Variants in MEIOB observed in about 807,000 individuals in gnomAD.
MEIOB encodes meiosis specific with OB-fold.
Under a neutral mutation model 53.1 loss-of-function variants are expected in MEIOB, and 50 were observed. That is an observed-to-expected ratio of 0.94 (90% CI 0.75 to 1.19). MEIOB has a LOEUF of 1.19. MEIOB is among the 50% of genes most tolerant of loss of function. The probability of loss-of-function intolerance (pLI) is 0.00; values close to 1 mark genes in which losing one functional copy is unlikely to be tolerated. For missense variants in MEIOB, 551 were observed against 550.8 expected (o/e 1.00, Z 0.00); for synonymous variants, 192 against 182.5 (o/e 1.05, Z -0.42).
At position 1,841,819 on chromosome 16, in the gene MEIOB, C is replaced by T. The variant is rs750125718; in HGVS notation, c.1034+1G>A. 6.5e-7 allele frequency: 1 copy of T among 1,549,026 alleles called. No homozygotes were observed. Among genetic ancestry groups the T allele is most frequent in the Non-Finnish European group, 8.7e-7 (1 of 1,148,958 alleles). ...TTGCTAAAAGTGACACGGATCCTTA[C>T]CATCTATTTCGAACTACTTTTGTAG... On this transcript the variant is annotated splice_donor_variant, in intron 11 of 13. Coordinates refer to ENST00000325962, the MANE Select transcript of MEIOB (RefSeq NM_001163560.3). LOFTEE classifies it high-confidence loss of function.
At chr16:1,852,785 A>T (rs1023178636) in intron 9 of MEIOB, among the ~76,000 whole-genome samples, 43 of 150,558 alleles carry the variant, frequency 2.9e-4, no homozygotes, top group African/African-American at 1.0e-3. Flanking sequence ...TGAACTCCTG[A>T]CCTCAGGTGA....
chr16:1,861,895 C>T, intron 4 of MEIOB, 90 bp downstream of exon 4: 1 of 1,275,074 alleles, frequency 7.8e-7, no homozygotes, highest in Non-Finnish European at 1.1e-6. Context: ...CGAACTGTGT[C>T]TCATTTCAAC....
At chr16:1,838,951 C>G (rs981441679) in intron 12 of MEIOB, among the ~76,000 whole-genome samples, 1 of 152,222 alleles carries the variant, frequency 6.6e-6, no homozygotes, top group Non-Finnish European at 1.5e-5. Context: ...CTTGGCCTCC[C>G]AAAGTGCTGA....
At chr16:1,839,690 C>G in intron 11 of MEIOB, 1 of 410,044 alleles carries the variant, frequency 2.4e-6, no homozygotes, top group Non-Finnish European at 4.4e-6. Flanking sequence ...TCTGCCAAGC[C>G]CTCGAGGTCC....
intron 3 of MEIOB, among the ~76,000 whole-genome samples, chr16:1,863,547 T>C (rs112910538): frequency 4.0e-5 from 6 of 151,790 alleles, no homozygotes; most frequent in African/African-American, 1.4e-4. Flanking sequence ...CCACCATGCC[T>C]GGCTAATTTT....
chr16:1,868,038 A>G (rs1899637433), intron 2 of MEIOB, 69 bp downstream of exon 2: 3 of 824,980 alleles, frequency 3.6e-6, no homozygotes, highest in South Asian at 3.4e-5. Flanking sequence ...GAATGAATCA[A>G]TAACATTGAT....
intron 10 of MEIOB, among the ~76,000 whole-genome samples, chr16:1,842,413 G>C (rs931616074): frequency 6.7e-6 from 1 of 148,494 alleles, no homozygotes; most frequent in East Asian, 2.0e-4. Flanking sequence ...TTGGGAGATC[G>C]AGAGCAGCCT....
chr16:1,859,863 C>T (rs537027007), intron 5 of MEIOB, among the ~76,000 whole-genome samples: 78 of 152,176 alleles, frequency 5.1e-4, no homozygotes, highest in Admixed American at 1.0e-3. Context: ...GGATGGACTA[C>T]AGCCAGGGCA....
At chr16:1,836,140 A>C (rs1266439175) in intron 13 of MEIOB, among the ~76,000 whole-genome samples, 5 of 151,148 alleles carry the variant, frequency 3.3e-5, no homozygotes, top group Admixed American at 2.6e-4. Context: ...CTCATTAATT[A>C]ATGAGTTAAA....
At chr16:1,865,483 G>A (rs1424714450) in intron 3 of MEIOB, among the ~76,000 whole-genome samples, 1 of 5,278 alleles carries the variant, frequency 1.9e-4, no homozygotes, top group Non-Finnish European at 5.3e-4. Flanking sequence ...ATACACACAC[G>A]TGTACACACA....
intron 6 of MEIOB, among the ~76,000 whole-genome samples, chr16:1,855,219 G>A (rs1290540850): frequency 1.3e-5 from 2 of 152,156 alleles, no homozygotes; most frequent in Non-Finnish European, 2.9e-5. Flanking sequence ...GAATCACGAG[G>A]TCAGGAGTTC....
At chr16:1,871,447 CT>C (rs1240252305) in intron 1 of MEIOB, among the ~76,000 whole-genome samples, 1 of 131,266 alleles carries the variant, frequency 7.6e-6, no homozygotes, top group Admixed American at 8.0e-5. Context: ...TCTCGATCTC[CT>C]GACCTCGTGA....
At chr16:1,837,928 T>G in intron 12 of MEIOB, 58 bp from the exon 13 acceptor site, 1 of 1,458,680 alleles carries the variant, frequency 6.9e-7, no homozygotes, top group Non-Finnish European at 9.1e-7. Context: ...AAAATTCATT[T>G]TTGACAACAG....
chr16:1,840,401 C>T (rs867516436), intron 11 of MEIOB, among the ~76,000 whole-genome samples: 3 of 152,064 alleles, frequency 2.0e-5, no homozygotes, highest in African/African-American at 4.8e-5. Flanking sequence ...CACACACACA[C>T]GACTGCATGT....
At chr16:1,837,963 A>AATGAAATT (rs769235284) in intron 12 of MEIOB, 93 bp from the exon 13 acceptor site, 4 of 1,449,152 alleles carry the variant, frequency 2.8e-6, no homozygotes, top group Non-Finnish European at 2.7e-6. Flanking sequence ...TCTCATTAGA[A>AATGAAATT]ATGAAATTTT....
In MEIOB at chr16:1,868,146, G is replaced by GA; in HGVS notation, c.29dup (p.Thr11HisfsTer12). 1 of 1,533,740 alleles carries GA rather than the reference G, an allele frequency of 6.5e-7. No homozygotes were observed. The highest frequency in any genetic ancestry group is 8.8e-7 in the Non-Finnish European group (1 of 1,134,526). ...TTGTCTGCAGATCTGAAAGGGTAGT[G>GA]AAAATCCTCGCTGCAAAGGAGTTTG... On this transcript the variant is annotated frameshift_variant, in exon 2 of 14. Coordinates refer to ENST00000325962, the MANE Select transcript of MEIOB (RefSeq NM_001163560.3). LOFTEE classifies it high-confidence loss of function.
chr16:1,871,180 A>C (rs1263063260), intron 1 of MEIOB, among the ~76,000 whole-genome samples: 1 of 151,276 alleles, frequency 6.6e-6, no homozygotes, highest in Non-Finnish European at 1.5e-5. Context: ...TTCAGAGATG[A>C]CTTCATTCAA....
intron 1 of MEIOB, among the ~76,000 whole-genome samples, chr16:1,869,209 C>T (rs1056838710): frequency 6.6e-6 from 1 of 152,178 alleles, no homozygotes; most frequent in Non-Finnish European, 1.5e-5. Context: ...ACCACAACAT[C>T]CGCCTCCCAG....
At chr16:1,866,891 T>C (rs1899607504) in intron 2 of MEIOB, among the ~76,000 whole-genome samples, 1 of 152,218 alleles carries the variant, frequency 6.6e-6, no homozygotes, top group Non-Finnish European at 1.5e-5. Flanking sequence ...AGCTGAGCTA[T>C]TAGCTAGCTT....
Sources: gnomAD v4.1 joint callset for allele counts (sites outside exome capture counted in the v4.1 genomes callset) on GRCh38, gnomAD v4.1.1 for gene constraint, MANE v1.5 for transcripts, NCBI Gene and HGNC (gene_info 2026-07-23, HGNC 2026-07-21) for gene names.